ALPK2: variants seen among roughly 807,000 people sequenced by gnomAD.
ALPK2 encodes alpha kinase 2.
ALPK2 carries 127 observed loss-of-function variants against 163.1 expected under a neutral mutation model. The observed-to-expected ratio is 0.78, with a 90% CI of 0.67 to 0.90. ALPK2 has a LOEUF of 0.90. ALPK2 is among the 40% of genes least tolerant of loss of function. The pLI, the probability that ALPK2 is intolerant of heterozygous loss-of-function variation, is 0.00. For missense variants in ALPK2, 2,360 were observed against 2,589.6 expected, an observed-to-expected ratio of 0.91 and a Z score of 1.92; for synonymous variants, 953 against 959.1, an observed-to-expected ratio of 0.99 and a Z score of 0.12.
chr18:58,538,715 T>G (rs2051672038), intron 4 of ALPK2, among the ~76,000 whole-genome samples: 1 of 152,154 alleles, frequency 6.6e-6, no homozygotes, highest in Non-Finnish European at 1.5e-5. Context: ...ATTTGCCCCC[T>G]CCAAACCTCA....
intron 3 of ALPK2, among the ~76,000 whole-genome samples, chr18:58,587,079 C>T (rs2051990871): frequency 6.6e-6 from 1 of 152,152 alleles, no homozygotes; most frequent in African/African-American, 2.4e-5. Flanking sequence ...TTGTCAATTG[C>T]CTGGCTGAGT....
chr18:58,515,147 A>G, intron 9 of ALPK2, 66 bp from the exon 10 acceptor site: 1 of 1,246,160 alleles, frequency 8.0e-7, no homozygotes, highest in Non-Finnish European at 1.1e-6. Flanking sequence ...TTGCCCAGTA[A>G]GACTATTCAG....
chr18:58,614,932 G>T (rs2052157310), intron 1 of ALPK2, among the ~76,000 whole-genome samples: 1 of 151,360 alleles, frequency 6.6e-6, no homozygotes, highest in Non-Finnish European at 1.5e-5. Flanking sequence ...CACACAGCCA[G>T]AGGCAATCAC....
chr18:58,575,206 C>CA (rs536358887), intron 4 of ALPK2, among the ~76,000 whole-genome samples: 16,330 of 124,774 alleles, frequency 0.13, 969 homozygotes, highest in East Asian at 0.19. Context: ...AACCTCGTTT[C>CA]AAAAAAAAAA....
chr18:58,610,086 C>G (rs768665459), intron 2 of ALPK2, among the ~76,000 whole-genome samples: 3 of 151,974 alleles, frequency 2.0e-5, no homozygotes, highest in Admixed American at 1.3e-4. Flanking sequence ...ACCAACCTGG[C>G]CGACATAGCG....
chr18:58,491,807 G>A (rs55672910), intron 12 of ALPK2, among the ~76,000 whole-genome samples: 23,756 of 152,290 alleles, frequency 0.16, 2,003 homozygotes, highest in East Asian at 0.38. Context: ...GAGAACTTGT[G>A]GGGCGGTTAC....
rs142664933 is a variant in ALPK2, at chr18:58,588,539, A to C, written c.228-7991T>G. ...CACTTAGATATTAAGCCCAGCATGC[A>C]TTAGCTATTTTTCCTAATGTTCTAC... On this transcript the variant is annotated intron_variant, in intron 3 of 12. Transcript: ENST00000361673. 2.3e-3 allele frequency among the ~76,000 whole-genome samples: 357 copies of C among 152,132 alleles called. 1 individual carries two copies. Among genetic ancestry groups the C allele is most frequent in the African/African-American group, 8.2e-3 (342 of 41,478 alleles).
At chr18:58,500,114 A>G (rs7242547) in intron 11 of ALPK2, among the ~76,000 whole-genome samples, 25,732 of 152,256 alleles carry the variant, frequency 0.17, 2,268 homozygotes, top group Non-Finnish European at 0.19. Context: ...TGGGAGAACC[A>G]GTGACCATTT....
intron 10 of ALPK2, among the ~76,000 whole-genome samples, chr18:58,511,443 C>CTGGG (rs1476726109): frequency 3.3e-5 from 5 of 152,180 alleles, no homozygotes; most frequent in Non-Finnish European, 5.9e-5. Context: ...CACACACCAG[C>CTGGG]TGGGGCACAG....
At chr18:58,587,450 A>G (rs1285535665) in intron 3 of ALPK2, among the ~76,000 whole-genome samples, 1 of 152,244 alleles carries the variant, frequency 6.6e-6, no homozygotes, top group East Asian at 1.9e-4. Flanking sequence ...GCTAAACACA[A>G]ACTTTATCTA....
At chr18:58,586,574 T>A (rs1194473088) in intron 3 of ALPK2, among the ~76,000 whole-genome samples, 2 of 152,136 alleles carry the variant, frequency 1.3e-5, no homozygotes, top group East Asian at 3.8e-4. Flanking sequence ...ACCAGTAGCC[T>A]GGCAGCAGCT....
intron 3 of ALPK2, among the ~76,000 whole-genome samples, chr18:58,606,137 G>A (rs2052096672): frequency 6.6e-6 from 1 of 152,124 alleles, no homozygotes; most frequent in Non-Finnish European, 1.5e-5. Flanking sequence ...GGAGTGCAGT[G>A]GTGCAATCAT....
At position 58,481,725 on chromosome 18, in the gene ALPK2, A is replaced by G. The variant is rs914902329; in HGVS notation, c.*98T>C. 7.2e-6 allele frequency: 7 copies of G among 977,748 alleles called. No homozygotes were observed. Among genetic ancestry groups the G allele is most frequent in the African/African-American group, 6.5e-5 (4 of 61,338 alleles). The allele number at this position is 977,748 out of a possible 1,614,324, so 60.6% of individuals were successfully genotyped here. On this transcript the variant is annotated 3_prime_UTR_variant, in exon 13 of 13. Transcript: ENST00000361673. ...CGGCTGGGAGTAAGGATTGCCACGC[A>G]CTCTCTGCAGGCTGTATATTCTCTC...
chr18:58,536,751 C>T lies in ALPK2; in HGVS notation c.3436G>A (p.Gly1146Ser), dbSNP rs148311606. 22 of 1,614,164 alleles carry T rather than the reference C, an allele frequency of 1.4e-5. No individual in the cohort carries two copies. The Middle Eastern group carries it at 5.0e-4, about 36-fold the overall frequency. ...TGGAAATCAGGTGCAGAAAGAGAAC[C>T]CTGCTGGGACAGGCTCTGCTGCTGG... ...GVQQQSLSQQGSLSAPDFQQS... is the reference protein window; with the variant it reads ...GVQQQSLSQQSSLSAPDFQQS... The change falls in exon 5 of 13, where the codon GGT becomes AGT. Residue 1146 changes from glycine (G) to serine (S), a missense_variant. By Grantham distance (56) the Gly-to-Ser change is moderately conservative. Coordinates refer to ENST00000361673, the MANE Select transcript of ALPK2 (RefSeq NM_052947.4).
rs1432045403 is a variant in ALPK2, at chr18:58,504,144, T to C, written c.6034A>G (p.Ile2012Val). The C allele has an allele frequency of 6.2e-7, 1 of 1,613,640 alleles. No individual in the cohort carries two copies. The highest frequency in any genetic ancestry group is 1.3e-5 in the African/African-American group (1 of 74,916). ...LEGFGEVPEI[I>V]PIFLIHRPEN... ...GGCCGATGGATAAGAAAAATAGGAA[T>C]GATCCTGGCAGGGAAGAGAACACAG... Residue 2012 changes from isoleucine (I) to valine (V), a missense_variant, in exon 11 of 13, where the codon ATT becomes GTT. Transcript: ENST00000361673.
chr18:58,614,358 A>T (rs1023039411), intron 1 of ALPK2, among the ~76,000 whole-genome samples: 3 of 152,198 alleles, frequency 2.0e-5, no homozygotes, highest in African/African-American at 7.2e-5. Context: ...TTAACAAATG[A>T]CTTACATTTC....
chr18:58,512,843 ATG>A (rs2051498934), intron 10 of ALPK2, among the ~76,000 whole-genome samples: 1 of 72,860 alleles, frequency 1.4e-5, no homozygotes, highest in African/African-American at 5.6e-5. Context: ...GTGTGTGTGT[ATG>A]TGGTGTGTGT....
chr18:58,506,230 G>A (rs2051461242), intron 10 of ALPK2, among the ~76,000 whole-genome samples: 1 of 151,998 alleles, frequency 6.6e-6, no homozygotes, highest in African/African-American at 2.4e-5. Context: ...GGGAGGGAGG[G>A]AGGAGGGTAA....
rs1568078005 is a variant in ALPK2 at position 58,536,207 on chromosome 18, C to T, written c.3980G>A (p.Ser1327Asn). ...TTGGCTGAAACCCCGGGAAGAAAGA[C>T]TTCTCCAATGTACACTGATGGTGGG... ...EEPTISVHWR[S>N]LSSRGFSQPR... Residue 1327 changes from serine (S) to asparagine (N), a missense_variant, in exon 5 of 13, where the codon AGT (serine) becomes AAT (asparagine). Transcript: ENST00000361673. 6.2e-7 allele frequency: 1 copy of T among 1,614,182 alleles called. No individual in the cohort carries two copies. Among genetic ancestry groups the T allele is most frequent in the Admixed American group, 1.7e-5 (1 of 60,024 alleles).
Sources: gnomAD v4.1 joint callset for allele counts (sites outside exome capture counted in the v4.1 genomes callset) on GRCh38, gnomAD v4.1.1 for gene constraint, MANE v1.5 for transcripts, NCBI Gene and HGNC (gene_info 2026-07-23, HGNC 2026-07-21) for gene names.